IQSEC1: variants seen among roughly 807,000 people sequenced by gnomAD.
IQSEC1 encodes the protein IQ motif and Sec7 domain ArfGEF 1, also known as IQ motif and SEC7 domain-containing protein 1.
IQSEC1 carries 31 observed loss-of-function variants against 91.0 expected under a neutral mutation model. That is an observed-to-expected ratio of 0.34 (90% confidence interval 0.26 to 0.46). The LOEUF is 0.46. Ranked by LOEUF, IQSEC1 falls within the 20% of genes least tolerant of loss-of-function variation. IQSEC1 has a pLI of 1.00. For missense variants in IQSEC1, 1,388 were observed against 1,575.6 expected (o/e 0.88, Z 2.02); for synonymous variants, 699 against 662.6 (o/e 1.05, Z -0.84).
chr3:13,134,499 C>T (rs1201279051), intron 2 of IQSEC1, among the ~76,000 whole-genome samples: 2 of 152,236 alleles, frequency 1.3e-5, no homozygotes, highest in Non-Finnish European at 2.9e-5. Flanking sequence ...CCAGCAACAC[C>T]GTTGGCAATG....
At chr3:13,140,085 C>T (rs1016115217) in intron 2 of IQSEC1, among the ~76,000 whole-genome samples, 1 of 152,192 alleles carries the variant, frequency 6.6e-6, no homozygotes, top group African/African-American at 2.4e-5. Context: ...ACCCACCTCA[C>T]CCCAGCAAGC....
intron 1 of IQSEC1, among the ~76,000 whole-genome samples, chr3:13,013,910 A>T (rs950924841): frequency 1.3e-5 from 2 of 150,568 alleles, no homozygotes; most frequent in African/African-American, 2.5e-5. Flanking sequence ...AGGTGAGGAC[A>T]TGAGGCCTCA....
Position 12,898,635 on chromosome 3 carries a change from C to A in IQSEC1, c.*2348G>T, listed in dbSNP as rs1281415004. 6.6e-6 allele frequency: 1 copy of A among 152,250 alleles called. No individual in the cohort carries two copies. The highest frequency in any genetic ancestry group is 1.5e-5 in the Non-Finnish European group (1 of 68,040). 9.4% of individuals were successfully genotyped at this position (152,250 alleles called of 1,614,324 possible). A position where few individuals can be genotyped will look rare whatever the true frequency, so the allele number is the denominator to read the frequency against. On this transcript the variant is annotated 3_prime_UTR_variant, in exon 14 of 14. Transcript: ENST00000613206. ...CAATTCTGTGCCAAACGGCCTGAAT[C>A]TTTTCTGGAACAACCTAAAGGTTAC...
intron 2 of IQSEC1, among the ~76,000 whole-genome samples, chr3:13,091,374 A>G (rs12494796): frequency 0.12 from 17,744 of 152,338 alleles, 1,086 homozygotes; most frequent in Middle Eastern, 0.21. Flanking sequence ...CACATAGCAG[A>G]TGCTCAAAAA....
Position 12,899,717 on chromosome 3 carries a change from A to AAC in IQSEC1, c.*1264_*1265dup, listed in dbSNP as rs534833110. 2.0e-5 allele frequency: 20 copies of AAC among 984,498 alleles called. No individual in the cohort carries two copies. Among genetic ancestry groups the AAC allele is most frequent in the South Asian group, 4.7e-5 (1 of 21,244 alleles). The allele number at this position is 984,498 out of a possible 1,614,324, so 61.0% of individuals were successfully genotyped here. A position where few individuals can be genotyped will look rare whatever the true frequency, so the allele number is the denominator to read the frequency against. On this transcript the variant is annotated 3_prime_UTR_variant, in exon 14 of 14. Coordinates refer to ENST00000613206, the MANE Select transcript of IQSEC1 (RefSeq NM_001134382.3). ...CTACCACTCAGAAAACAAAACGGGA[A>AAC]ACACACACACCGCCCTGGGTTGCTA...
chr3:13,090,318 G>A (rs1291706769), intron 2 of IQSEC1, among the ~76,000 whole-genome samples: 1 of 152,172 alleles, frequency 6.6e-6, no homozygotes, highest in Non-Finnish European at 1.5e-5. Context: ...GCTTCATGAA[G>A]GTAAGGATTT....
At chr3:13,136,614 T>C (rs1415511691) in intron 2 of IQSEC1, among the ~76,000 whole-genome samples, 1 of 152,118 alleles carries the variant, frequency 6.6e-6, no homozygotes, top group East Asian at 1.9e-4. Flanking sequence ...CAAAGGCTAA[T>C]CGGGCATTTC....
Position 13,207,728 on chromosome 3 carries a change from G to A in IQSEC1, c.273-43595C>T, listed in dbSNP as rs948561665. The stretch of plus-strand genomic sequence containing the variant: ...CTTATCCCTGCCATCAGCCGGCCAC[G>A]CCATCGCCAGCTCTCCCGGGAGGCT... On this transcript the variant is annotated intron_variant, in intron 1 of 15. Coordinates refer to the IQSEC1 transcript ENST00000648114. The surrounding 1 kb of genome is among the most constrained non-coding windows in gnomAD (Gnocchi z 4.8). Among the ~76,000 whole-genome samples the A allele has an allele frequency of 9.9e-5, 15 of 152,066 alleles. No homozygotes were observed. The highest frequency in any genetic ancestry group is 1.3e-4 in the Non-Finnish European group (9 of 68,020).
At chr3:13,179,029 C>T (rs1200602667) in intron 1 of IQSEC1, among the ~76,000 whole-genome samples, 1 of 152,218 alleles carries the variant, frequency 6.6e-6, no homozygotes, top group Non-Finnish European at 1.5e-5. Context: ...CCTTGCCCCT[C>T]CCTAGTTCCT....
intron 1 of IQSEC1, among the ~76,000 whole-genome samples, chr3:13,004,084 C>T (rs576490114): frequency 6.6e-6 from 1 of 152,328 alleles, no homozygotes; most frequent in East Asian, 1.9e-4. Flanking sequence ...AGAATCCACA[C>T]ATTTAAAAAA....
chr3:13,162,176 C>A (rs934727441), intron 2 of IQSEC1, among the ~76,000 whole-genome samples: 2 of 152,240 alleles, frequency 1.3e-5, no homozygotes, highest in East Asian at 3.8e-4. Context: ...CTCAGGGCGA[C>A]CCCGTAAGGG....
At chr3:12,911,852 T>C (rs1275577194) in intron 9 of IQSEC1, 124 bp from the exon 10 acceptor site, 3 of 704,662 alleles carry the variant, frequency 4.3e-6, no homozygotes, top group Admixed American at 4.1e-5. Context: ...CCCACGTGAG[T>C]GGAGGGCATG....
intron 1 of IQSEC1, among the ~76,000 whole-genome samples, chr3:13,032,708 C>G (rs1487581865): frequency 6.6e-6 from 1 of 151,994 alleles, no homozygotes; most frequent in Non-Finnish European, 1.5e-5. Flanking sequence ...CTCAGCCTCC[C>G]GAGTAGCTGG....
At chr3:12,997,026 A>G (rs943654960) in intron 1 of IQSEC1, among the ~76,000 whole-genome samples, 2 of 152,252 alleles carry the variant, frequency 1.3e-5, no homozygotes, top group Non-Finnish European at 2.9e-5. Context: ...ATACAAGGAC[A>G]GACAACACAG....
intron 1 of IQSEC1, among the ~76,000 whole-genome samples, chr3:12,957,145 G>A (rs1699960168): frequency 6.6e-6 from 1 of 152,160 alleles, no homozygotes. Flanking sequence ...TGCATAGAGG[G>A]CTTTATGCTT....
At chr3:13,233,513 T>G (rs1694870320) in intron 1 of IQSEC1, among the ~76,000 whole-genome samples, 1 of 152,250 alleles carries the variant, frequency 6.6e-6, no homozygotes, top group Non-Finnish European at 1.5e-5. Context: ...TTCCACAGTC[T>G]GTCTATTCCA....
rs369572155 is a variant in IQSEC1 at position 13,065,519 on chromosome 3, T to C, written c.23+7473A>G. On this transcript the variant is annotated intron_variant, in intron 1 of 13. Coordinates refer to ENST00000613206, the MANE Select transcript of IQSEC1 (RefSeq NM_001134382.3). ...CACACTTTTATTCAAGAGGGGGAAA[T>C]TTAAAAACACAAGATACCACTTCAC... Among the ~76,000 whole-genome samples the C allele has an allele frequency of 3.7e-4, 56 of 152,248 alleles. 2 individuals are homozygous for C. The South Asian group carries it at 8.1e-3, about 22-fold the overall frequency.
At position 12,935,437 on chromosome 3, in the gene IQSEC1, A is replaced by C; in HGVS notation, c.1568+11T>G. ...AGCTGCCCACCCTGAGGGGTCACCC[A>C]TGGTACTCACTTGTTGAAGAGGTTC... On this transcript the variant is annotated intron_variant, in intron 3 of 13. Coordinates refer to ENST00000613206, the MANE Select transcript of IQSEC1 (RefSeq NM_001134382.3). The surrounding 1 kb of genome is among the most constrained non-coding windows in gnomAD (Gnocchi z 8.0). 6.2e-7 allele frequency: 1 copy of C among 1,600,926 alleles called. No individual in the cohort carries two copies. Among genetic ancestry groups the C allele is most frequent in the Non-Finnish European group, 8.5e-7 (1 of 1,170,630 alleles).
chr3:13,242,718 A>G (rs17037953), intron 1 of IQSEC1, among the ~76,000 whole-genome samples: 11,843 of 152,236 alleles, frequency 0.078, 559 homozygotes, highest in African/African-American at 0.12. Flanking sequence ...TTCTGCTTCA[A>G]TAAAGTGGCT....
Sources: gnomAD v4.1 joint callset for allele counts (sites outside exome capture counted in the v4.1 genomes callset) on GRCh38, gnomAD v4.1.1 for gene constraint, Gnocchi (gnomAD v3.1) non-coding constraint, MANE v1.5 for transcripts, NCBI Gene and HGNC (gene_info 2026-07-23, HGNC 2026-07-21) for gene names.